GLE1: variants seen among roughly 807,000 people sequenced by gnomAD.
The protein encoded by GLE1 is GLE1 RNA export mediator.
Under a neutral mutation model 97.3 loss-of-function variants are expected in GLE1, and 78 were observed. The observed-to-expected ratio is 0.80, with a 90% CI of 0.67 to 0.97. GLE1 has a LOEUF of 0.97. GLE1 is among the 50% of genes least tolerant of loss of function. The pLI is 0.00. For missense variants in GLE1, 753 were observed against 857.5 expected (o/e 0.88, Z 1.52); for synonymous variants, 302 against 313.4 (o/e 0.96, Z 0.39).
intron 2 of GLE1, among the ~76,000 whole-genome samples, chr9:128,511,372 A>T (rs1846815845): frequency 6.6e-6 from 1 of 151,184 alleles, no homozygotes; most frequent in Non-Finnish European, 1.5e-5. Context: ...TGAACGTCTT[A>T]AGGAAAAAAA....
At chr9:128,511,673 A>T (rs923333965) in intron 2 of GLE1, among the ~76,000 whole-genome samples, 5 of 150,720 alleles carry the variant, frequency 3.3e-5, no homozygotes, top group African/African-American at 9.7e-5. Flanking sequence ...GCCACTGCAC[A>T]CCAGCCTGGG....
intron 11 of GLE1, among the ~76,000 whole-genome samples, chr9:128,534,721 T>A (rs934184457): frequency 2.0e-5 from 3 of 151,620 alleles, no homozygotes; most frequent in South Asian, 4.1e-4. Context: ...ATTTTTTATT[T>A]TTTTTATTTT....
chr9:128,512,840 G>A (rs1424529592), intron 2 of GLE1, among the ~76,000 whole-genome samples: 7 of 152,120 alleles, frequency 4.6e-5, no homozygotes, highest in South Asian at 2.1e-4. Flanking sequence ...TGTATTTTTC[G>A]TAGAGACGGG....
At chr9:128,520,412 A>G (rs1296543926) in intron 3 of GLE1, among the ~76,000 whole-genome samples, 4 of 144,624 alleles carry the variant, frequency 2.8e-5, no homozygotes, top group African/African-American at 1.0e-4. Flanking sequence ...GTATATATGT[A>G]TATATATGTA....
chr9:128,508,771 A>G, intron 1 of GLE1, 105 bp from the exon 2 acceptor site: 1 of 754,626 alleles, frequency 1.3e-6, no homozygotes, highest in Admixed American at 1.9e-5. Flanking sequence ...TGGGTCTTTG[A>G]TGTTTATTTA....
At chr9:128,526,411 C>T (rs939149892) in intron 7 of GLE1, among the ~76,000 whole-genome samples, 23 of 151,672 alleles carry the variant, frequency 1.5e-4, no homozygotes, top group African/African-American at 4.4e-4. Flanking sequence ...GGCTGGAGTG[C>T]AATGGCACAA....
At chr9:128,525,493 T>C in intron 7 of GLE1, 70 bp downstream of exon 7, 1 of 986,406 alleles carries the variant, frequency 1.0e-6, no homozygotes, top group Non-Finnish European at 1.6e-6. Context: ...AGAGCATGTT[T>C]TGAATGTTGT....
At chr9:128,519,651 T>C (rs1322290485) in intron 3 of GLE1, among the ~76,000 whole-genome samples, 1 of 148,768 alleles carries the variant, frequency 6.7e-6, no homozygotes, top group African/African-American at 2.6e-5. Context: ...ACCCTGGTCC[T>C]GTGGTCCTGT....
Position 128,541,819 on chromosome 9 carries a change from A to C in GLE1, c.*649A>C, listed in dbSNP as rs931588707. ...TTTGAACTAAGGGAAACTCTTTGTC[A>C]TCCTAATTTGGAATTTGGTCCCTGG... is the stretch of plus-strand genomic sequence containing the variant. On this transcript the variant is annotated 3_prime_UTR_variant, in exon 16 of 16. Coordinates refer to ENST00000309971, the MANE Select transcript of GLE1 (RefSeq NM_001003722.2). The C allele has an allele frequency of 7.2e-5, 11 of 152,362 alleles. No homozygotes were observed. Among genetic ancestry groups the C allele is most frequent in the African/African-American group, 2.6e-4 (11 of 41,574 alleles). 9.4% of individuals were successfully genotyped at this position (152,362 alleles called of 1,614,324 possible).
Position 128,522,831 on chromosome 9 carries a change from A to G in GLE1, c.581+15A>G. 1.9e-6 allele frequency: 3 copies of G among 1,612,952 alleles called. No individual in the cohort carries two copies. The highest frequency in any genetic ancestry group is 2.5e-6 in the Non-Finnish European group (3 of 1,179,002). ...ATGGAGAAGAGGTGAGTCTCCCTGA[A>G]TTATGACTGGGAATGTTGATGTGTT... On this transcript the variant is annotated intron_variant, in intron 4 of 15. Transcript: ENST00000309971.
rs768143409 is a variant in GLE1 at position 128,533,698 on chromosome 9, T to C, written c.1455+43T>C. On this transcript the variant is annotated intron_variant, in intron 10 of 15. Transcript: ENST00000309971. ...TAGAGGTATGGGAAGCAGAGGCTGG[T>C]GTACAAGATTTCAGCCTTTTTCTGG... is the stretch of plus-strand genomic sequence containing the variant. 1.9e-6 allele frequency: 3 copies of C among 1,611,862 alleles called. No individual in the cohort carries two copies. The South Asian group carries it at 3.3e-5, about 18-fold the overall frequency.
At chr9:128,519,046 T>C (rs1476349217) in intron 3 of GLE1, among the ~76,000 whole-genome samples, 1 of 152,200 alleles carries the variant, frequency 6.6e-6, no homozygotes, top group African/African-American at 2.4e-5. Flanking sequence ...ACATAAATTG[T>C]AAAGATTTCA....
At chr9:128,535,087 T>C (rs1458218823) in intron 11 of GLE1, among the ~76,000 whole-genome samples, 1 of 151,262 alleles carries the variant, frequency 6.6e-6, no homozygotes, top group Non-Finnish European at 1.5e-5. Context: ...AAAAGTAATC[T>C]CTGGGCCAGG....
At chr9:128,511,549 T>TA (rs965064370) in intron 2 of GLE1, among the ~76,000 whole-genome samples, 27 of 143,114 alleles carry the variant, frequency 1.9e-4, no homozygotes, top group Admixed American at 3.5e-4. Flanking sequence ...CTACTAAAAA[T>TA]AAAAAAAAAA....
chr9:128,523,392 G>A, intron 5 of GLE1, 52 bp downstream of exon 5: 1 of 1,512,276 alleles, frequency 6.6e-7, no homozygotes. Context: ...TCTGTAACCT[G>A]CCTGGAGAGC....
At chr9:128,527,372 A>G (rs1847333048) in intron 8 of GLE1, 81 bp downstream of exon 8, 1 of 1,275,308 alleles carries the variant, frequency 7.8e-7, no homozygotes, top group Non-Finnish European at 1.1e-6. Flanking sequence ...AAAGGAATGT[A>G]GCTGGCATGT....
intron 15 of GLE1, 100 bp from the exon 16 acceptor site, chr9:128,541,002 G>C: frequency 1.3e-6 from 1 of 799,134 alleles, no homozygotes; most frequent in Admixed American, 1.7e-5. Flanking sequence ...TGTTCCATAG[G>C]GCTGAAATAT....
chr9:128,540,385 AATGCACCT>A, intron 15 of GLE1, 47 bp downstream of exon 15: 1 of 1,191,474 alleles, frequency 8.4e-7, no homozygotes, highest in Non-Finnish European at 1.3e-6. Context: ...GTTGGGCTGG[AATGCACCT>A]ATGTCTGACA....
chr9:128,538,080 A>G lies in GLE1; in HGVS notation c.1871A>G (p.Asp624Gly). The G allele has an allele frequency of 6.3e-7, 1 of 1,585,308 alleles. No individual in the cohort carries two copies. Among genetic ancestry groups the G allele is most frequent in the East Asian group, 2.2e-5 (1 of 44,748 alleles). ...GATGTGACAGCCACCCTCCTCTTTG[A>G]CTTCCTGGAGGTACGTAACTCAGTT... ...LSDVTATLLF[D>G]FLEVCGNALM... Residue 624 changes from aspartate to glycine, a missense_variant, in exon 13 of 16, where the codon GAC (aspartate) becomes GGC (glycine). Coordinates refer to ENST00000309971, the MANE Select transcript of GLE1 (RefSeq NM_001003722.2).
Sources: gnomAD v4.1 joint callset for allele counts (sites outside exome capture counted in the v4.1 genomes callset) on GRCh38, gnomAD v4.1.1 for gene constraint, MANE v1.5 for transcripts, NCBI Gene and HGNC (gene_info 2026-07-23, HGNC 2026-07-21) for gene names.